KLF8: variants seen among roughly 807,000 people sequenced by gnomAD.
KLF8 encodes the protein Krueppel-like factor 8.
In KLF8, 10 loss-of-function variants were observed where a neutral mutation model predicts 18.2. The ratio of observed to expected loss-of-function variants is 0.55; its 90% CI spans 0.34 to 0.93. The LOEUF is 0.93. Among genes scored for constraint, KLF8 ranks in the 40% least tolerant of loss-of-function variants. The pLI is 0.02. For missense variants in KLF8, 264 were observed against 277.9 expected, an observed-to-expected ratio of 0.95 and a Z score of 0.36; for synonymous variants, 109 against 97.3, an observed-to-expected ratio of 1.12 and a Z score of -0.71.
chrX:55,969,339 G>A, the KLF8 span, among the ~76,000 whole-genome samples: 1 of 111,850 alleles, frequency 8.9e-6, no homozygotes, highest in East Asian at 2.8e-4. Context: ...TAAACAATAT[G>A]CTCCTGAATG....
chrX:56,158,931 G>A, the KLF8 span, among the ~76,000 whole-genome samples: 2 of 111,643 alleles, frequency 1.8e-5, no homozygotes, highest in Non-Finnish European at 3.8e-5. Context: ...ATGTTGAATA[G>A]GAGTGGTGAG....
chrX:56,163,974 A>G, the KLF8 span, among the ~76,000 whole-genome samples: 2 of 112,114 alleles, frequency 1.8e-5, no homozygotes, highest in East Asian at 5.6e-4. Flanking sequence ...TCTTTGTACC[A>G]GTACCATCCT....
the KLF8 span, among the ~76,000 whole-genome samples, chrX:56,199,897 A>G: frequency 8.9e-6 from 1 of 111,857 alleles, no homozygotes; most frequent in Non-Finnish European, 1.9e-5. Flanking sequence ...AATAGTATGC[A>G]GCCATAAAAA....
At chrX:55,973,580 A>C in the KLF8 span, among the ~76,000 whole-genome samples, 2 of 112,431 alleles carry the variant, frequency 1.8e-5, no homozygotes, top group South Asian at 7.3e-4. Context: ...TGCTATCAAC[A>C]AGCATATGAA....
chrX:56,279,581 G>A (rs968325114), intron 5 of KLF8, among the ~76,000 whole-genome samples: 2 of 111,828 alleles, frequency 1.8e-5, no homozygotes, highest in Admixed American at 9.5e-5. Flanking sequence ...CATATTGAGC[G>A]CAGCAGTGGG....
chrX:56,138,059 A>AC, the KLF8 span, among the ~76,000 whole-genome samples: 248 of 106,461 alleles, frequency 2.3e-3, 1 homozygote, highest in Non-Finnish European at 4.3e-3. Context: ...AAAAAAAAAA[A>AC]AAAAAAACCC....
chrX:55,986,475 G>A, the KLF8 span, among the ~76,000 whole-genome samples: 2 of 111,746 alleles, frequency 1.8e-5, no homozygotes, highest in African/African-American at 6.5e-5. Flanking sequence ...TCCTGAGGAT[G>A]AAGCCAAATT....
At position 56,286,770 on chromosome X, in the gene KLF8, G is replaced by A. The variant is rs2067272652; in HGVS notation, c.*2276G>A. 1.8e-5 allele frequency: 2 copies of A among 111,928 alleles called. No individual in the cohort carries two copies. Among genetic ancestry groups the A allele is most frequent in the Non-Finnish European group, 3.8e-5 (2 of 53,199 alleles). 9.2% of individuals were successfully genotyped at this position (111,928 alleles called of 1,213,427 possible). The stretch of plus-strand genomic sequence containing the variant: ...TACTGTTATCATTGTTATTTCGATA[G>A]GGCTTTTTCCTGATTTTGGGTATAC... On this transcript the variant is annotated 3_prime_UTR_variant, in exon 6 of 6. Transcript: ENST00000468660.
the KLF8 span, among the ~76,000 whole-genome samples, chrX:55,994,523 T>C: frequency 9.1e-6 from 1 of 110,247 alleles, no homozygotes; most frequent in African/African-American, 3.3e-5. Context: ...TGTTACTTTG[T>C]TGAGATTTTT....
At chrX:55,921,637 A>G in the KLF8 span, among the ~76,000 whole-genome samples, 2 of 112,270 alleles carry the variant, frequency 1.8e-5, no homozygotes, top group Non-Finnish European at 3.8e-5. Flanking sequence ...TAAACTAAAG[A>G]GCTTCTGTAC....
intron 2 of KLF8, among the ~76,000 whole-genome samples, chrX:56,257,766 G>A (rs942242222): frequency 8.9e-6 from 1 of 112,255 alleles, no homozygotes; most frequent in Non-Finnish European, 1.9e-5. Context: ...CCATCGATGG[G>A]CGCTTACGTT....
chrX:56,101,175 T>A, the KLF8 span, among the ~76,000 whole-genome samples: 1 of 112,013 alleles, frequency 8.9e-6, no homozygotes, highest in Non-Finnish European at 1.9e-5. Flanking sequence ...TTTATGTGCA[T>A]GTGTACTCAA....
chrX:56,180,394 A>T, the KLF8 span, among the ~76,000 whole-genome samples: 1 of 110,349 alleles, frequency 9.1e-6, no homozygotes, highest in Non-Finnish European at 1.9e-5. Context: ...TATCAATTTT[A>T]TTGATCTTTT....
At chrX:56,073,537 A>G in the KLF8 span, among the ~76,000 whole-genome samples, 585 of 111,048 alleles carry the variant, frequency 5.3e-3, 1 homozygote, top group African/African-American at 0.018. Flanking sequence ...TCACATGATA[A>G]TTTTATGTAT....
the KLF8 span, among the ~76,000 whole-genome samples, chrX:56,076,826 C>G: frequency 8.9e-6 from 1 of 111,816 alleles, no homozygotes; most frequent in Non-Finnish European, 1.9e-5. Flanking sequence ...TTTTAATAAT[C>G]ACCATTCTAA....
At chrX:56,084,256 G>T in the KLF8 span, among the ~76,000 whole-genome samples, 1 of 110,579 alleles carries the variant, frequency 9.0e-6, no homozygotes, top group East Asian at 2.8e-4. Context: ...GGTGGCACAT[G>T]CCTGTGGTCC....
At chrX:56,188,939 C>T in the KLF8 span, among the ~76,000 whole-genome samples, 2 of 111,688 alleles carry the variant, frequency 1.8e-5, no homozygotes, top group Non-Finnish European at 3.8e-5. Flanking sequence ...CTAGGCAATA[C>T]CATTCAGGAC....
the KLF8 span, among the ~76,000 whole-genome samples, chrX:56,049,454 C>T: frequency 9.1e-6 from 1 of 110,047 alleles, no homozygotes; most frequent in South Asian, 3.9e-4. Context: ...AATACCTAAT[C>T]TATTGAGAGT....
the KLF8 span, among the ~76,000 whole-genome samples, chrX:56,146,491 T>C: frequency 9.0e-6 from 1 of 110,700 alleles, no homozygotes; most frequent in East Asian, 2.8e-4. Context: ...ATATTCTCAC[T>C]CATAAGGGGT....
Sources: gnomAD v4.1 joint callset for allele counts (sites outside exome capture counted in the v4.1 genomes callset) on GRCh38, gnomAD v4.1.1 for gene constraint, MANE v1.5 for transcripts, NCBI Gene and HGNC (gene_info 2026-07-23, HGNC 2026-07-21) for gene names.